DPYD: variants seen among roughly 807,000 people sequenced by gnomAD.
DPYD encodes dihydropyrimidine dehydrogenase.
A neutral mutation model predicts 116.2 loss-of-function variants in DPYD; 109 were observed. The observed-to-expected ratio is 0.94, with a 90% CI of 0.80 to 1.10. The LOEUF (loss-of-function observed/expected upper bound fraction) is 1.10. Among genes scored for constraint, DPYD ranks in the 50% least tolerant of loss-of-function variants. The pLI is 0.00. For missense variants in DPYD, 1,302 were observed against 1,254.5 expected (o/e 1.04, Z -0.57); for synonymous variants, 440 against 432.0 (o/e 1.02, Z -0.23).
chr1:97,352,969 G>A (rs556661010), intron 16 of DPYD, among the ~76,000 whole-genome samples: 15 of 152,108 alleles, frequency 9.9e-5, no homozygotes, highest in Non-Finnish European at 1.9e-4. Context: ...TCAAGCAAGG[G>A]GGGTGGGGGA....
At chr1:97,200,060 T>C (rs1345273910) in intron 19 of DPYD, among the ~76,000 whole-genome samples, 1 of 152,214 alleles carries the variant, frequency 6.6e-6, no homozygotes, top group African/African-American at 2.4e-5. Context: ...AGAGAAGAGT[T>C]CTACAAAAGC....
At chr1:97,322,415 T>C (rs1668351678) in intron 16 of DPYD, among the ~76,000 whole-genome samples, 1 of 151,914 alleles carries the variant, frequency 6.6e-6, no homozygotes. Flanking sequence ...TACTCAAAAC[T>C]AAATACTAAA....
chr1:97,476,062 G>A (rs916759276), intron 13 of DPYD, among the ~76,000 whole-genome samples: 7 of 152,144 alleles, frequency 4.6e-5, no homozygotes, highest in Non-Finnish European at 5.9e-5. Flanking sequence ...TCCCAGAGCC[G>A]ATGGTTTCCC....
At chr1:97,212,108 G>A (rs1269647542) in intron 19 of DPYD, among the ~76,000 whole-genome samples, 2 of 139,418 alleles carry the variant, frequency 1.4e-5, no homozygotes, top group African/African-American at 5.6e-5. Flanking sequence ...CACTATACGT[G>A]TGCAAGGCAA....
chr1:97,430,824 A>C (rs189458110), intron 14 of DPYD, among the ~76,000 whole-genome samples: 169 of 152,228 alleles, frequency 1.1e-3, no homozygotes, highest in African/African-American at 4.0e-3. Context: ...ACTGAAATAC[A>C]ATTTTACATC....
At position 97,179,049 on chromosome 1, in the gene DPYD, C is replaced by T. The variant is rs563486884; in HGVS notation, c.2622+14020G>A. On this transcript the variant is annotated intron_variant, in intron 20 of 22. Transcript: ENST00000370192. ...TCACATTTCATTGACTAAAGTAAGT[C>T]GCTCACTCATATGGAACATCCAAGG... Among the ~76,000 whole-genome samples the T allele has an allele frequency of 5.9e-5, 9 of 152,250 alleles. No individual in the cohort carries two copies. In the South Asian group the frequency reaches 1.0e-3, roughly 18 times the overall value.
At chr1:97,237,205 C>T (rs990516475) in intron 18 of DPYD, among the ~76,000 whole-genome samples, 14 of 143,104 alleles carry the variant, frequency 9.8e-5, no homozygotes, top group Non-Finnish European at 1.3e-4. Flanking sequence ...TGCGCCATTG[C>T]CCTCCAGCCT....
At chr1:97,864,885 TAGAG>T (rs1671295530) in intron 2 of DPYD, among the ~76,000 whole-genome samples, 1 of 151,972 alleles carries the variant, frequency 6.6e-6, no homozygotes, top group South Asian at 2.1e-4. Context: ...CTGGCATTTC[TAGAG>T]AATGGATAGT....
chr1:97,748,337 G>A (rs368620519), intron 3 of DPYD, among the ~76,000 whole-genome samples: 79 of 152,188 alleles, frequency 5.2e-4, no homozygotes, highest in African/African-American at 1.7e-3. Flanking sequence ...GGCCAGGCAC[G>A]GTGACTCACA....
intron 3 of DPYD, among the ~76,000 whole-genome samples, chr1:97,806,151 C>T (rs1668069692): frequency 6.6e-6 from 1 of 151,836 alleles, no homozygotes. Flanking sequence ...TTGTCAAGTT[C>T]ACACAAAACA....
chr1:97,888,797 T>C (rs1438156817), intron 1 of DPYD, among the ~76,000 whole-genome samples: 1 of 152,002 alleles, frequency 6.6e-6, no homozygotes, highest in Non-Finnish European at 1.5e-5. Context: ...TTTCAAAAAA[T>C]ACATTCCCAG....
At chr1:97,618,603 C>T (rs1299828883) in intron 8 of DPYD, among the ~76,000 whole-genome samples, 1 of 152,134 alleles carries the variant, frequency 6.6e-6, no homozygotes, top group African/African-American at 2.4e-5. Context: ...GTGGGCTTAT[C>T]TCATTACAGA....
intron 16 of DPYD, among the ~76,000 whole-genome samples, chr1:97,318,356 C>T (rs1248289087): frequency 1.5e-5 from 2 of 133,434 alleles, no homozygotes; most frequent in African/African-American, 2.6e-5. Context: ...CAGAGACACA[C>T]ATAGGCTCAA....
At chr1:97,472,428 T>C (rs550731662) in intron 13 of DPYD, among the ~76,000 whole-genome samples, 1 of 152,260 alleles carries the variant, frequency 6.6e-6, no homozygotes, top group South Asian at 2.1e-4. Context: ...AAAGAGTCCA[T>C]ACATGGTTCC....
intron 19 of DPYD, among the ~76,000 whole-genome samples, chr1:97,217,356 A>T (rs1660479723): frequency 6.6e-6 from 1 of 152,210 alleles, no homozygotes; most frequent in South Asian, 2.1e-4. Flanking sequence ...TGGTTTCTGA[A>T]CTGTGGTCTA....
At chr1:97,257,787 GT>G (rs2100836809) in intron 18 of DPYD, among the ~76,000 whole-genome samples, 1 of 152,004 alleles carries the variant, frequency 6.6e-6, no homozygotes, top group Non-Finnish European at 1.5e-5. Flanking sequence ...TTTGGAGCTG[GT>G]GACATAAATA....
chr1:97,918,570 C>T lies in DPYD; in HGVS notation c.39+2314G>A, dbSNP rs1674345340. On this transcript the variant is annotated intron_variant, in intron 1 of 22. Coordinates refer to ENST00000370192, the MANE Select transcript of DPYD (RefSeq NM_000110.4). ...GATTGTTTTCCATGTTCCTAACCGT[C>T]AAATCCTGATGTGATATTGGATTCA... is the stretch of plus-strand genomic sequence containing the variant. 3.9e-5 allele frequency among the ~76,000 whole-genome samples: 6 copies of T among 152,160 alleles called. No homozygotes were observed. In the South Asian group the frequency reaches 1.2e-3, roughly 32 times the overall value.
At chr1:97,807,516 T>TC (rs1000347334) in intron 3 of DPYD, among the ~76,000 whole-genome samples, 26 of 152,248 alleles carry the variant, frequency 1.7e-4, no homozygotes, top group African/African-American at 6.3e-4. Context: ...TTTTAGTGCT[T>TC]CTTTTTATAT....
chr1:97,901,167 G>T (rs1046605951), intron 1 of DPYD, among the ~76,000 whole-genome samples: 1 of 151,758 alleles, frequency 6.6e-6, no homozygotes, highest in African/African-American at 2.4e-5. Flanking sequence ...AGGAGATTGA[G>T]TAACTTCCCC....
Sources: allele counts gnomAD v4.1 joint callset (sites outside exome capture counted in the v4.1 genomes callset), GRCh38; gene constraint gnomAD v4.1.1; transcripts MANE v1.5; gene names NCBI Gene and HGNC (gene_info 2026-07-23, HGNC 2026-07-21).